Variants in MAPKAPK2 observed in about 807,000 individuals in gnomAD.
The protein encoded by MAPKAPK2 is MAP kinase-activated protein kinase 2.
In MAPKAPK2, 9 loss-of-function variants were observed where a neutral mutation model predicts 48.8. The ratio of observed to expected loss-of-function variants is 0.18; its 90% CI spans 0.11 to 0.32. The LOEUF (loss-of-function observed/expected upper bound fraction) is 0.32, where lower values mean the gene tolerates loss of function less well. Ranked by LOEUF, MAPKAPK2 falls within the 10% of genes least tolerant of loss-of-function variation. The pLI is 1.00. For missense variants in MAPKAPK2, 331 were observed against 498.3 expected, an observed-to-expected ratio of 0.66 and a Z score of 3.20; for synonymous variants, 202 against 190.6, an observed-to-expected ratio of 1.06 and a Z score of -0.49.
intron 1 of MAPKAPK2, among the ~76,000 whole-genome samples, chr1:206,685,940 C>G (rs868983588): frequency 2.6e-5 from 4 of 152,156 alleles, no homozygotes; most frequent in Non-Finnish European, 5.9e-5. Context: ...GCCGGTTGGT[C>G]GGTTGGTTTG....
In MAPKAPK2 at chr1:206,698,940, A is replaced by G. The variant is rs1049112020; in HGVS notation, c.279+13432A>G. 3.3e-5 allele frequency among the ~76,000 whole-genome samples: 5 copies of G among 152,236 alleles called. No homozygotes were observed. In the South Asian group the frequency reaches 8.3e-4, roughly 25 times the overall value. On this transcript the variant is annotated intron_variant, in intron 1 of 9. Coordinates refer to ENST00000367103, the MANE Select transcript of MAPKAPK2 (RefSeq NM_032960.4). ...AAAACCTAGGCTCCCTCCAGCTCACAGTATTGCCTCTCTAATGGTCCTTTG... is the reference window on the plus strand; with the variant it reads ...AAAACCTAGGCTCCCTCCAGCTCACGGTATTGCCTCTCTAATGGTCCTTTG...
chr1:206,686,985 G>A (rs1672305378), intron 1 of MAPKAPK2, among the ~76,000 whole-genome samples: 1 of 152,160 alleles, frequency 6.6e-6, no homozygotes, highest in Non-Finnish European at 1.5e-5. Context: ...GAAGGGAAAG[G>A]AGGAGGAGGA....
chr1:206,720,670 A>AT (rs1404629413), intron 1 of MAPKAPK2, among the ~76,000 whole-genome samples: 4 of 151,914 alleles, frequency 2.6e-5, no homozygotes, highest in Non-Finnish European at 5.9e-5. Context: ...CTATGCCTTT[A>AT]TTTTTTTTAT....
intron 1 of MAPKAPK2, among the ~76,000 whole-genome samples, chr1:206,727,374 A>G (rs1163005830): frequency 1.3e-5 from 2 of 152,140 alleles, no homozygotes; most frequent in African/African-American, 4.8e-5. Flanking sequence ...GCAATAGACA[A>G]TTTCATGAAA....
rs148773521 is a variant in MAPKAPK2, at chr1:206,725,881, C to T, written c.280-2829C>T. On this transcript the variant is annotated intron_variant, in intron 1 of 9. Coordinates refer to ENST00000367103, the MANE Select transcript of MAPKAPK2 (RefSeq NM_032960.4). ...ATTTTAAGGATTTTCTGTGTCTCCC[C>T]TCATATCTTCTTCTGCCCCCCACTA... is the stretch of plus-strand genomic sequence containing the variant. Among the ~76,000 whole-genome samples, 11 of 152,268 alleles carry T rather than the reference C, an allele frequency of 7.2e-5. No individual in the cohort carries two copies. The East Asian group carries it at 2.1e-3, about 29-fold the overall frequency.
chr1:206,729,375 A>C, intron 3 of MAPKAPK2, 21 bp from the exon 4 acceptor site: 1 of 1,594,548 alleles, frequency 6.3e-7, no homozygotes, highest in Non-Finnish European at 8.6e-7. Context: ...TTTCCCACTC[A>C]CTCTTCCCTC....
chr1:206,695,194 G>A (rs1672576276), intron 1 of MAPKAPK2, among the ~76,000 whole-genome samples: 1 of 152,200 alleles, frequency 6.6e-6, no homozygotes, highest in Non-Finnish European at 1.5e-5. Context: ...AATTAGGTTT[G>A]AGGTGTAACC....
intron 1 of MAPKAPK2, among the ~76,000 whole-genome samples, chr1:206,698,383 G>T (rs1310342721): frequency 6.6e-6 from 1 of 152,188 alleles, no homozygotes; most frequent in Admixed American, 6.5e-5. Context: ...TTCTAAGCAG[G>T]ATTTGCCTGT....
chr1:206,701,543 A>G (rs1553427901), intron 1 of MAPKAPK2, among the ~76,000 whole-genome samples: 1 of 152,080 alleles, frequency 6.6e-6, no homozygotes, highest in Admixed American at 6.6e-5. Context: ...AAAAGTATTT[A>G]GTTTGTAGGG....
Position 206,685,201 on chromosome 1 carries a change from C to T in MAPKAPK2, c.-29C>T. ...GAGGAGGGGGCGGCCGCGGGCACCC[C>T]CGCCTGTGCCCCGGCGTCCCCGGGC... On this transcript the variant is annotated 5_prime_UTR_variant, in exon 1 of 10. Coordinates refer to ENST00000367103, the MANE Select transcript of MAPKAPK2 (RefSeq NM_032960.4). The T allele has an allele frequency of 3.0e-6, 1 of 336,304 alleles. No homozygotes were observed. The highest frequency in any genetic ancestry group is 5.2e-6 in the Non-Finnish European group (1 of 193,562). 20.8% of individuals were successfully genotyped at this position (336,304 alleles called of 1,614,324 possible). A position where few individuals can be genotyped will look rare whatever the true frequency, so the allele number is the denominator to read the frequency against.
intron 1 of MAPKAPK2, among the ~76,000 whole-genome samples, chr1:206,720,660 C>T (rs559502336): frequency 1.6e-4 from 25 of 152,256 alleles, no homozygotes; most frequent in South Asian, 8.3e-4. Flanking sequence ...TGGCCAGCCC[C>T]TATGCCTTTA....
At chr1:206,729,356 G>T in intron 3 of MAPKAPK2, 40 bp from the exon 4 acceptor site, 1 of 1,533,652 alleles carries the variant, frequency 6.5e-7, no homozygotes, top group Non-Finnish European at 9.0e-7. Context: ...ATGTGTCTTT[G>T]TGACTTTCTT....
intron 1 of MAPKAPK2, among the ~76,000 whole-genome samples, chr1:206,716,620 C>T (rs1673345614): frequency 6.6e-6 from 1 of 152,090 alleles, no homozygotes; most frequent in African/African-American, 2.4e-5. Context: ...TTCTGCTCAG[C>T]TGGGGTGATG....
intron 1 of MAPKAPK2, among the ~76,000 whole-genome samples, chr1:206,722,807 C>T (rs1673568174): frequency 6.6e-6 from 1 of 152,242 alleles, no homozygotes; most frequent in South Asian, 2.1e-4. Flanking sequence ...CAGCTGCCCT[C>T]CCGAGTCCTC....
At chr1:206,719,244 TG>T (rs1673437580) in intron 1 of MAPKAPK2, among the ~76,000 whole-genome samples, 1 of 152,244 alleles carries the variant, frequency 6.6e-6, no homozygotes, top group African/African-American at 2.4e-5. Context: ...CTTGACTTTT[TG>T]TTGAGCCCTA....
At chr1:206,692,140 A>T (rs1572477369) in intron 1 of MAPKAPK2, among the ~76,000 whole-genome samples, 1 of 152,118 alleles carries the variant, frequency 6.6e-6, no homozygotes, top group African/African-American at 2.4e-5. Context: ...GTGCACAGGG[A>T]TCTGGTTGAG....
At chr1:206,705,777 G>T (rs4072677) in intron 1 of MAPKAPK2, among the ~76,000 whole-genome samples, 71,429 of 152,042 alleles carry the variant, frequency 0.47, 17,147 homozygotes, top group East Asian at 0.6. Flanking sequence ...ATGGAAGTTT[G>T]TGGAGTTTGA....
At position 206,732,315 on chromosome 1, in the gene MAPKAPK2, TC is replaced by T. The variant is rs1673942150; in HGVS notation, c.1060-258del. ...TTCCTGACTCCTGGCCCAAGTCTCT[TC>T]CTCCTATCCTGCGGGATCACTGGGG... On this transcript the variant is annotated intron_variant, in intron 9 of 9. Transcript: ENST00000367103. This position sits in a 1 kb window ranked among gnomAD's most constrained non-coding sequence, Gnocchi z 4.4. 1 of 1,443,758 alleles carries T rather than the reference TC, an allele frequency of 6.9e-7. No individual in the cohort carries two copies. The highest frequency in any genetic ancestry group is 1.5e-5 in the South Asian group (1 of 66,682). The allele number at this position is 1,443,758 out of a possible 1,614,324, so 89.4% of individuals were successfully genotyped here.
At chr1:206,722,794 C>T (rs1207034741) in intron 1 of MAPKAPK2, among the ~76,000 whole-genome samples, 1 of 152,240 alleles carries the variant, frequency 6.6e-6, no homozygotes, top group African/African-American at 2.4e-5. Context: ...GGCTCACCTG[C>T]AGCAGCTGCC....
Sources: gnomAD v4.1 joint callset for allele counts (sites outside exome capture counted in the v4.1 genomes callset) on GRCh38, gnomAD v4.1.1 for gene constraint, Gnocchi (gnomAD v3.1) non-coding constraint, MANE v1.5 for transcripts, NCBI Gene and HGNC (gene_info 2026-07-23, HGNC 2026-07-21) for gene names.